The following PARVB variants were observed in gnomAD, a reference collection of about 807,000 sequenced individuals.
The protein encoded by PARVB is parvin beta.
In PARVB, 46 loss-of-function variants were observed where a neutral mutation model predicts 47.0. The ratio of observed to expected loss-of-function variants is 0.98; its 90% confidence interval spans 0.77 to 1.25. The LOEUF (loss-of-function observed/expected upper bound fraction) is 1.25, where lower values mean the gene tolerates loss of function less well. Ranked by LOEUF, PARVB falls within the 50% of genes most tolerant of loss-of-function variation. The pLI is 0.00. For missense variants in PARVB, 473 were observed against 471.6 expected, an observed-to-expected ratio of 1.00 and a Z score of -0.03; for synonymous variants, 196 against 196.3, an observed-to-expected ratio of 1.00 and a Z score of 0.01.
rs575291440 is a variant in PARVB, at chr22:44,041,075, G to A, written c.112+16624G>A. Among the ~76,000 whole-genome samples the A allele has an allele frequency of 3.9e-5, 6 of 152,276 alleles. No individual in the cohort carries two copies. The South Asian group carries it at 1.0e-3, about 26-fold the overall frequency. On this transcript the variant is annotated intron_variant, in intron 1 of 12. Transcript: ENST00000338758. ...CAGTTTGTGGGAATTATTTCCAGCT[G>A]CAATTGGAAATGAATGCTGATGGAT...
intron 1 of PARVB, among the ~76,000 whole-genome samples, chr22:44,043,307 A>C (rs945677197): frequency 6.6e-6 from 1 of 152,186 alleles, no homozygotes; most frequent in African/African-American, 2.4e-5. Context: ...AAATGTTCTT[A>C]CATTGACAAT....
At chr22:44,033,797 G>A (rs1334167371) in intron 1 of PARVB, among the ~76,000 whole-genome samples, 1 of 152,196 alleles carries the variant, frequency 6.6e-6, no homozygotes, top group African/African-American at 2.4e-5. Flanking sequence ...GTTAAAGAGG[G>A]AGTGAAAATG....
At chr22:44,086,239 G>A (rs1308020456) in intron 1 of PARVB, among the ~76,000 whole-genome samples, 3 of 152,140 alleles carry the variant, frequency 2.0e-5, no homozygotes, top group Admixed American at 6.6e-5. Context: ...TCCATTTCTC[G>A]GCAAAAACAA....
chr22:44,099,290 G>C (rs751236567), intron 2 of PARVB, among the ~76,000 whole-genome samples: 1 of 152,160 alleles, frequency 6.6e-6, no homozygotes, highest in African/African-American at 2.4e-5. Context: ...CTCGGCGCCC[G>C]CTGGCTTCTG....
At chr22:44,153,705 T>C (rs1036752160) in intron 10 of PARVB, 11 of 152,202 alleles carry the variant, frequency 7.2e-5, no homozygotes, top group African/African-American at 2.7e-4. Flanking sequence ...CTAAATACAC[T>C]GTGGGCATCT....
At chr22:44,119,854 G>T (rs764708295) in intron 4 of PARVB, 2 of 531,498 alleles carry the variant, frequency 3.8e-6, no homozygotes, top group East Asian at 1.1e-4. Context: ...AGAGGACGCC[G>T]GCCTGGCCTG....
Position 44,100,059 on chromosome 22 carries a change from A to G in PARVB, c.209A>G (p.Asn70Ser). The change falls in exon 3 of 13, where the codon AAC becomes AGC. Residue 70 changes from asparagine to serine, a missense_variant. Physicochemically the swap from Asn to Ser is conservative, Grantham distance 46. Coordinates refer to ENST00000338758, the MANE Select transcript of PARVB (RefSeq NM_013327.5). Reference protein sequence around the residue: ...VHPEDTQLEENEERTMIDPTS... With the variant: ...VHPEDTQLEESEERTMIDPTS... ...TTCCTTTTGTCCCTGGCAGAGGAGA[A>G]CGAGGAGCGCACGATGATTGACCCC... The G allele has an allele frequency of 1.9e-6, 3 of 1,614,010 alleles. No homozygotes were observed. The highest frequency in any genetic ancestry group is 2.5e-6 in the Non-Finnish European group (3 of 1,179,902).
intron 1 of PARVB, among the ~76,000 whole-genome samples, chr22:44,058,557 T>C (rs1433428520): frequency 6.9e-6 from 1 of 145,548 alleles, no homozygotes; most frequent in Non-Finnish European, 1.5e-5. Flanking sequence ...GGATTTTTTT[T>C]TTTTTTTTTT....
chr22:44,070,149 C>T (rs2146976786), intron 1 of PARVB, among the ~76,000 whole-genome samples: 1 of 152,344 alleles, frequency 6.6e-6, no homozygotes, highest in South Asian at 2.1e-4. Context: ...TTGCTCAGTG[C>T]TATCCTCCTA....
chr22:44,026,444 C>A, intron 1 of PARVB: 1 of 670,304 alleles, frequency 1.5e-6, no homozygotes, highest in Non-Finnish European at 1.8e-6. Flanking sequence ...CACAAACCCT[C>A]CTTGGATCTA....
chr22:44,103,411 A>G lies in PARVB; in HGVS notation c.273+3288A>G, dbSNP rs2052496230. On this transcript the variant is annotated intron_variant, in intron 3 of 12. Transcript: ENST00000338758. The surrounding 1 kb of genome is among the most constrained non-coding windows in gnomAD (Gnocchi z 4.6). ...CATAGCCAGCTCATGCACCTGCCTC[A>G]CCTCCCTTCCCCTCCCTGTTGCTCG... is the stretch of plus-strand genomic sequence containing the variant. 1 of 151,466 alleles carries G rather than the reference A, an allele frequency of 6.6e-6. No homozygotes were observed. The highest frequency in any genetic ancestry group is 6.6e-5 in the Admixed American group (1 of 15,176). 9.4% of individuals were successfully genotyped at this position (151,466 alleles called of 1,614,324 possible).
intron 3 of PARVB, chr22:44,115,209 C>G (rs1215488465): frequency 1.3e-5 from 1 of 76,896 alleles, no homozygotes; most frequent in Admixed American, 1.2e-4. Flanking sequence ...GGCCCTGCAC[C>G]AACACAGATA....
intron 10 of PARVB, 134 bp from the exon 11 acceptor site, chr22:44,157,848 G>A: frequency 1.6e-6 from 1 of 616,218 alleles, no homozygotes; most frequent in South Asian, 1.9e-5. Flanking sequence ...AGCCTTGATT[G>A]CATCAGTGCA....
chr22:44,131,724 A>G (rs2053328603), intron 5 of PARVB, 97 bp downstream of exon 5: 1 of 1,350,306 alleles, frequency 7.4e-7, no homozygotes, highest in Non-Finnish European at 1.0e-6. Flanking sequence ...TCATCATCCC[A>G]TCTGGCCTTG....
intron 2 of PARVB, among the ~76,000 whole-genome samples, chr22:44,008,231 G>T (rs757572922): frequency 2.0e-5 from 3 of 151,960 alleles, no homozygotes; most frequent in Non-Finnish European, 4.4e-5. Flanking sequence ...ACCCCCGCCC[G>T]CCTCCGAGTA....
At chr22:44,136,582 G>T (rs1278285653) in intron 7 of PARVB, 64 bp downstream of exon 7, 4 of 1,367,828 alleles carry the variant, frequency 2.9e-6, no homozygotes, top group African/African-American at 1.4e-5. Context: ...ACCCCAGGCT[G>T]CCACTTCAGC....
Position 43,999,489 on chromosome 22 carries a change from A to C in PARVB, c.72-45A>C, listed in dbSNP as rs779451828. On this transcript the variant is annotated intron_variant, in intron 1 of 13. Coordinates refer to the PARVB transcript ENST00000406477. ...AAGTCCAAATTTCTAGCTTCTCTTGAGAAACTGGATCCGACAAACAAAAAA... is the reference window on the plus strand; with the variant it reads ...AAGTCCAAATTTCTAGCTTCTCTTGCGAAACTGGATCCGACAAACAAAAAA... 3 of 1,556,952 alleles carry C rather than the reference A, an allele frequency of 1.9e-6. No individual in the cohort carries two copies. In the African/African-American group the frequency reaches 4.1e-5, roughly 21 times the overall value.
At chr22:44,120,022 G>A in intron 4 of PARVB, 1 of 381,478 alleles carries the variant, frequency 2.6e-6, no homozygotes, top group Non-Finnish European at 5.3e-6. Flanking sequence ...TTGTCACAAT[G>A]GTCCTAGGGG....
intron 1 of PARVB, among the ~76,000 whole-genome samples, chr22:44,066,389 G>T (rs1171454129): frequency 6.6e-6 from 1 of 152,148 alleles, no homozygotes; most frequent in Non-Finnish European, 1.5e-5. Context: ...TATTGAAAAG[G>T]ATATGACCTG....
Sources: allele counts gnomAD v4.1 joint callset (sites outside exome capture counted in the v4.1 genomes callset), GRCh38; gene constraint gnomAD v4.1.1; non-coding constraint Gnocchi (gnomAD v3.1); transcripts MANE v1.5; gene names NCBI Gene and HGNC (gene_info 2026-07-23, HGNC 2026-07-21).